NFIA: variants seen among roughly 807,000 people sequenced by gnomAD.
NFIA encodes nuclear factor I A.
Under a neutral mutation model 62.8 loss-of-function variants are expected in NFIA, and 8 were observed. That is an observed-to-expected ratio of 0.13 (90% confidence interval 0.07 to 0.23). The LOEUF is 0.23. Among genes scored for constraint, NFIA ranks in the 10% least tolerant of loss-of-function variants. The pLI, the probability that NFIA is intolerant of heterozygous loss-of-function variation, is 1.00. For synonymous variants in NFIA, 235 were observed against 238.1 expected (o/e 0.99, Z 0.12); for missense variants, 410 against 642.1 (o/e 0.64, Z 3.91).
At chr1:61,409,611 A>G (rs923629264) in intron 9 of NFIA, among the ~76,000 whole-genome samples, 1 of 152,216 alleles carries the variant, frequency 6.6e-6, no homozygotes, top group Non-Finnish European at 1.5e-5. Context: ...CACCTTTATT[A>G]TGAGAGAATT....
intron 2 of NFIA, among the ~76,000 whole-genome samples, chr1:61,200,029 T>TAC (rs1161220372): frequency 2.3e-5 from 1 of 43,268 alleles, no homozygotes; most frequent in African/African-American, 1.3e-4. Flanking sequence ...TATATATATA[T>TAC]ATATATATAT....
intron 2 of NFIA, among the ~76,000 whole-genome samples, chr1:61,263,091 T>C (rs1031450996): frequency 2.0e-5 from 3 of 152,250 alleles, no homozygotes; most frequent in African/African-American, 7.2e-5. Context: ...CTTTTATTAC[T>C]ACCTCTTTCT....
chr1:61,090,986 T>C (rs1195984462), intron 2 of NFIA, among the ~76,000 whole-genome samples: 3 of 152,226 alleles, frequency 2.0e-5, no homozygotes, highest in Non-Finnish European at 2.9e-5. Context: ...AAGCATCTGT[T>C]ATAATACTGA....
chr1:61,339,555 CA>C (rs1661789891), intron 4 of NFIA, among the ~76,000 whole-genome samples: 1 of 152,118 alleles, frequency 6.6e-6, no homozygotes, highest in African/African-American at 2.4e-5. Context: ...TGGCTTAATT[CA>C]GCCAGCTTCC....
intron 5 of NFIA, among the ~76,000 whole-genome samples, chr1:61,358,002 G>A (rs866159240): frequency 2.0e-5 from 3 of 151,976 alleles, no homozygotes; most frequent in Middle Eastern, 6.8e-3. Flanking sequence ...TCAAACTGGG[G>A]AGAATATTCA....
Position 61,387,478 on chromosome 1 carries a change from T to TTTTGTTTG in NFIA, c.1075+4116_1075+4117insGTTTGTTT, listed in dbSNP as rs562536029. Among the ~76,000 whole-genome samples the TTTTGTTTG allele has an allele frequency of 6.9e-3, 986 of 142,834 alleles. 12 individuals carry two copies. The highest frequency in any genetic ancestry group is 0.023 in the African/African-American group (871 of 38,138). 93.7% of individuals were successfully genotyped at this position (142,834 alleles called of 152,430 possible). On this transcript the variant is annotated intron_variant, in intron 7 of 10. Transcript: ENST00000403491. ...CAGCTCAAGCACTTTCTTTTTTTTT[T>TTTTGTTTG]TTTTTTTTTTTTTGAGACGGAGTCT...
chr1:61,263,360 T>C (rs1489258517), intron 2 of NFIA, among the ~76,000 whole-genome samples: 1 of 152,136 alleles, frequency 6.6e-6, no homozygotes, highest in East Asian at 1.9e-4. Flanking sequence ...TGCCAGGGTT[T>C]AAACATTGCT....
chr1:61,423,543 GAT>G (rs1666732607), intron 9 of NFIA, among the ~76,000 whole-genome samples: 1 of 152,142 alleles, frequency 6.6e-6, no homozygotes, highest in Non-Finnish European at 1.5e-5. Flanking sequence ...AATTAAGAAA[GAT>G]ATGAATATGA....
chr1:61,213,940 A>G (rs564262054), intron 2 of NFIA, among the ~76,000 whole-genome samples: 62 of 152,304 alleles, frequency 4.1e-4, no homozygotes, highest in African/African-American at 1.4e-3. Context: ...TTTCATGAGT[A>G]GCAGGGAAGA....
intron 3 of NFIA, among the ~76,000 whole-genome samples, chr1:61,318,872 A>G (rs532009388): frequency 1.3e-5 from 2 of 152,192 alleles, no homozygotes; most frequent in Non-Finnish European, 2.9e-5. Flanking sequence ...CTAATTTGAT[A>G]TAGAAACTAG....
intron 9 of NFIA, among the ~76,000 whole-genome samples, chr1:61,424,096 T>G (rs1557773961): frequency 6.6e-6 from 1 of 152,134 alleles, no homozygotes; most frequent in Admixed American, 6.6e-5. Flanking sequence ...TGGTAGGCTT[T>G]GATAGCATGA....
intron 9 of NFIA, among the ~76,000 whole-genome samples, chr1:61,409,570 A>G (rs1281599344): frequency 6.6e-6 from 1 of 152,212 alleles, no homozygotes; most frequent in Non-Finnish European, 1.5e-5. Context: ...TTGATAAATA[A>G]AATATTTTTT....
At chr1:61,095,359 G>A (rs1046653052) in intron 2 of NFIA, among the ~76,000 whole-genome samples, 14 of 152,202 alleles carry the variant, frequency 9.2e-5, no homozygotes, top group African/African-American at 2.9e-4. Flanking sequence ...CTATTTGAAC[G>A]GATGAGGATA....
chr1:61,300,569 T>A lies in NFIA; in HGVS notation c.625+22984T>A, dbSNP rs1310658957. Among the ~76,000 whole-genome samples, 3 of 152,194 alleles carry A rather than the reference T, an allele frequency of 2.0e-5. No homozygotes were observed. The South Asian group carries it at 6.2e-4, about 32-fold the overall frequency. ...ACAATGACTAATCCATTACAACCAA[T>A]ATTGTTTTAGTTCTTTCTCATGAAA... On this transcript the variant is annotated intron_variant, in intron 3 of 10. Transcript: ENST00000403491.
At chr1:61,171,757 C>G (rs1473402904) in intron 2 of NFIA, among the ~76,000 whole-genome samples, 2 of 152,082 alleles carry the variant, frequency 1.3e-5, no homozygotes, top group Non-Finnish European at 2.9e-5. Context: ...AAAGAGAGCA[C>G]AGATTGTCAT....
intron 3 of NFIA, among the ~76,000 whole-genome samples, chr1:61,317,744 A>T (rs1660444351): frequency 6.6e-6 from 1 of 152,070 alleles, no homozygotes; most frequent in Non-Finnish European, 1.5e-5. Flanking sequence ...GTTATTTCTT[A>T]ATTTTTTCTG....
intron 2 of NFIA, among the ~76,000 whole-genome samples, chr1:61,159,743 T>G (rs1348043724): frequency 6.8e-6 from 1 of 147,168 alleles, no homozygotes; most frequent in Non-Finnish European, 1.5e-5. Flanking sequence ...GTGCAGTGGC[T>G]CGATCTCGGC....
chr1:61,412,435 T>C (rs1381112395), intron 9 of NFIA, among the ~76,000 whole-genome samples: 2 of 152,008 alleles, frequency 1.3e-5, no homozygotes, highest in African/African-American at 4.8e-5. Context: ...AGTAAGCGGG[T>C]TCCAGGTATA....
chr1:61,456,598 A>T lies in NFIA; in HGVS notation c.*1278A>T, dbSNP rs1423987871. On this transcript the variant is annotated 3_prime_UTR_variant, in exon 11 of 11. Coordinates refer to ENST00000403491, the MANE Select transcript of NFIA (RefSeq NM_001134673.4). ...GGATTTATCAGTTATCAGACACCTC[A>T]TTGTACCAGAGATTGTCCAGAAGTT... The T allele has an allele frequency of 6.6e-6, 1 of 151,326 alleles. No individual in the cohort carries two copies. The highest frequency in any genetic ancestry group is 2.4e-5 in the African/African-American group (1 of 41,302). 9.4% of individuals were successfully genotyped at this position (151,326 alleles called of 1,614,324 possible).
Sources: gnomAD v4.1 joint callset for allele counts (sites outside exome capture counted in the v4.1 genomes callset) on GRCh38, gnomAD v4.1.1 for gene constraint, MANE v1.5 for transcripts, NCBI Gene and HGNC (gene_info 2026-07-23, HGNC 2026-07-21) for gene names.